ASB4: variants seen among roughly 807,000 people sequenced by gnomAD.
The protein encoded by ASB4 is ankyrin repeat and SOCS box protein 4.
In ASB4, 35 loss-of-function variants were observed where a neutral mutation model predicts 38.6. The ratio of observed to expected loss-of-function variants is 0.91; its 90% CI spans 0.69 to 1.20. ASB4 has a LOEUF of 1.20. ASB4 is among the 50% of genes most tolerant of loss of function. The pLI is 0.00. For missense variants in ASB4, 557 were observed against 527.2 expected (o/e 1.06, Z -0.55); for synonymous variants, 195 against 201.3 (o/e 0.97, Z 0.26).
intron 2 of ASB4, 42 bp downstream of exon 2, chr7:95,496,099 A>G: frequency 1.3e-6 from 2 of 1,567,018 alleles, no homozygotes; most frequent in South Asian, 2.3e-5. Context: ...CTGCTTGTAC[A>G]CTCATGGTTT....
At chr7:95,523,670 T>C (rs1790695130) in intron 2 of ASB4, among the ~76,000 whole-genome samples, 1 of 152,172 alleles carries the variant, frequency 6.6e-6, no homozygotes, top group Non-Finnish European at 1.5e-5. Flanking sequence ...AATTCTATTT[T>C]GGGGGAATTT....
rs1197765842 is a variant in ASB4 at position 95,514,387 on chromosome 7, T to C, written c.488-13426T>C. On this transcript the variant is annotated intron_variant, in intron 2 of 4. Coordinates refer to ENST00000325885, the MANE Select transcript of ASB4 (RefSeq NM_016116.3). ...AAAACTTACCAAAGCCCTTTAGCAA[T>C]AGCTATGTAAACTAAATATATGAAC... Among the ~76,000 whole-genome samples the C allele has an allele frequency of 4.6e-5, 7 of 152,342 alleles. No individual in the cohort carries two copies. In the East Asian group the frequency reaches 9.6e-4, roughly 21 times the overall value.
intron 1 of ASB4, 68 bp downstream of exon 1, chr7:95,486,226 A>T: frequency 1.6e-6 from 2 of 1,252,116 alleles, no homozygotes; most frequent in South Asian, 1.4e-5. Context: ...AGTGTCAGTT[A>T]TCCACTCTAA....
Position 95,505,694 on chromosome 7 carries a change from C to A in ASB4, c.487+9637C>A, listed in dbSNP as rs138884506. Among the ~76,000 whole-genome samples, 590 of 143,788 alleles carry A rather than the reference C, an allele frequency of 4.1e-3. 4 individuals carry two copies. The highest frequency in any genetic ancestry group is 0.027 in the South Asian group (107 of 3,988). 94.3% of individuals were successfully genotyped at this position (143,788 alleles called of 152,430 possible). A position where few individuals can be genotyped will look rare whatever the true frequency, so the allele number is the denominator to read the frequency against. ...CTTTTCCTCTATCCGTGTCCCCCCCCCCCCAAATACTTATTCATTCCCTGT... is the reference window on the plus strand; with the variant it reads ...CTTTTCCTCTATCCGTGTCCCCCCCACCCCAAATACTTATTCATTCCCTGT... On this transcript the variant is annotated intron_variant, in intron 2 of 4. Transcript: ENST00000325885.
In ASB4 at chr7:95,521,884, TC is replaced by T. The variant is rs144160590; in HGVS notation, c.488-5928del. On this transcript the variant is annotated intron_variant, in intron 2 of 4. Coordinates refer to ENST00000325885, the MANE Select transcript of ASB4 (RefSeq NM_016116.3). ...CATCAATTTTAGAACAGTAGTTACC[TC>T]TGTGGAGGAAAAAATTATGGGAGAA... Among the ~76,000 whole-genome samples, 1,221 of 152,126 alleles carry T rather than the reference TC, an allele frequency of 8.0e-3. 13 individuals are homozygous for T. The highest frequency in any genetic ancestry group is 0.014 in the Non-Finnish European group (948 of 67,944).
intron 3 of ASB4, 132 bp from the exon 4 acceptor site, chr7:95,536,304 TC>T: frequency 1.8e-6 from 1 of 560,856 alleles, no homozygotes. Context: ...CCTGCCTCAG[TC>T]TCCCAAGTAG....
intron 2 of ASB4, among the ~76,000 whole-genome samples, chr7:95,522,357 G>C (rs1299131089): frequency 6.6e-6 from 1 of 151,952 alleles, no homozygotes; most frequent in East Asian, 1.9e-4. Flanking sequence ...ACCTCTATCA[G>C]TTCGAATATG....
upstream of ASB4, among the ~76,000 whole-genome samples, chr7:95,482,128 G>A (rs1048575163): frequency 6.6e-6 from 1 of 152,186 alleles, no homozygotes; most frequent in African/African-American, 2.4e-5. Context: ...TAATCTGTAA[G>A]TTTTATCCTT....
At chr7:95,495,175 G>T (rs941864364) in intron 1 of ASB4, among the ~76,000 whole-genome samples, 1 of 151,950 alleles carries the variant, frequency 6.6e-6, no homozygotes, top group Non-Finnish European at 1.5e-5. Context: ...CCTTAAATTC[G>T]TCTTTGGAAA....
intron 1 of ASB4, among the ~76,000 whole-genome samples, chr7:95,494,815 G>A (rs1383404605): frequency 1.3e-5 from 2 of 152,266 alleles, no homozygotes; most frequent in Non-Finnish European, 2.9e-5. Context: ...AGATCAGTGG[G>A]AGAAAAGAGA....
intron 2 of ASB4, among the ~76,000 whole-genome samples, chr7:95,500,398 C>G (rs1790318014): frequency 6.6e-6 from 1 of 151,640 alleles, no homozygotes; most frequent in African/African-American, 2.4e-5. Context: ...GAGACCACAT[C>G]TTTACTAAAG....
intron 2 of ASB4, among the ~76,000 whole-genome samples, chr7:95,519,411 ACT>A (rs1395949579): frequency 1.3e-5 from 2 of 152,154 alleles, no homozygotes; most frequent in Admixed American, 6.5e-5. Context: ...TATATGTAAA[ACT>A]CTTAGTGAGT....
chr7:95,523,440 A>T (rs754526569), intron 2 of ASB4, among the ~76,000 whole-genome samples: 68 of 152,354 alleles, frequency 4.5e-4, no homozygotes, highest in Non-Finnish European at 7.1e-4. Context: ...TAAAAAAGAA[A>T]TACCATTAGT....
chr7:95,547,540 T>A, the ASB4 span, among the ~76,000 whole-genome samples: 2 of 152,248 alleles, frequency 1.3e-5, no homozygotes, highest in African/African-American at 4.8e-5. Context: ...TTATGCATTC[T>A]CCTAGCGATG....
intron 4 of ASB4, among the ~76,000 whole-genome samples, 171 bp from the exon 5 acceptor site, chr7:95,537,400 A>C (rs1436629886): frequency 6.6e-6 from 1 of 152,114 alleles, no homozygotes; most frequent in Non-Finnish European, 1.5e-5. Flanking sequence ...CTTTCCTTGT[A>C]TACCACCGCC....
At chr7:95,486,433 T>A (rs1297422395) in intron 1 of ASB4, among the ~76,000 whole-genome samples, 6 of 152,266 alleles carry the variant, frequency 3.9e-5, no homozygotes, top group Non-Finnish European at 5.9e-5. Flanking sequence ...TCTCTGTTTT[T>A]AACTTTTCTT....
chr7:95,525,473 C>A (rs891212655), intron 2 of ASB4, among the ~76,000 whole-genome samples: 1 of 151,186 alleles, frequency 6.6e-6, no homozygotes, highest in Non-Finnish European at 1.5e-5. Context: ...GTTACACTGG[C>A]GACACAATTC....
upstream of ASB4, among the ~76,000 whole-genome samples, chr7:95,483,986 T>TA (rs1790048355): frequency 1.4e-5 from 2 of 145,786 alleles, no homozygotes; most frequent in African/African-American, 5.1e-5. Context: ...TTATATAATT[T>TA]AAAATCTTCA....
chr7:95,541,178 A>G (rs952227205), downstream of ASB4, among the ~76,000 whole-genome samples: 28 of 152,096 alleles, frequency 1.8e-4, no homozygotes, highest in Admixed American at 1.7e-3. Context: ...CTGACTCATA[A>G]TATAGGGAAA....
Sources: gnomAD v4.1 joint callset for allele counts (sites outside exome capture counted in the v4.1 genomes callset) on GRCh38, gnomAD v4.1.1 for gene constraint, MANE v1.5 for transcripts, NCBI Gene and HGNC (gene_info 2026-07-23, HGNC 2026-07-21) for gene names.